Variants in PRPS1 observed in about 807,000 individuals in gnomAD.
PRPS1 encodes the protein ribose-phosphate pyrophosphokinase 1.
Under a neutral mutation model 16.9 loss-of-function variants are expected in PRPS1, and 1 was observed. The ratio of observed to expected loss-of-function variants is 0.06; its 90% confidence interval spans 0.02 to 0.28. The LOEUF is 0.28. Among genes scored for constraint, PRPS1 ranks in the 10% least tolerant of loss-of-function variants. The pLI is 1.00. For synonymous variants in PRPS1, 70 were observed against 90.2 expected (o/e 0.78, Z 1.27); for missense variants, 47 against 254.0 (o/e 0.19, Z 5.54).
At chrX:107,634,467 A>G (rs1214804369) in intron 1 of PRPS1, among the ~76,000 whole-genome samples, 1 of 107,356 alleles carries the variant, frequency 9.3e-6, no homozygotes, top group Non-Finnish European at 1.9e-5. Context: ...TCCTGACCTC[A>G]GGTGATCTGC....
intron 5 of PRPS1, among the ~76,000 whole-genome samples, chrX:107,646,133 C>T (rs1925686016): frequency 9.0e-6 from 1 of 111,299 alleles, no homozygotes; most frequent in African/African-American, 3.3e-5. Flanking sequence ...GACATGGTCT[C>T]ACTCTGTTAC....
intron 1 of PRPS1, among the ~76,000 whole-genome samples, chrX:107,633,110 C>T (rs1925343624): frequency 9.0e-6 from 1 of 111,368 alleles, no homozygotes; most frequent in Non-Finnish European, 1.9e-5. Context: ...ACCTTCTATG[C>T]TGAAGGTAGC....
At position 107,650,268 on chromosome X, in the gene PRPS1, G is replaced by A. The variant is rs1925800273; in HGVS notation, c.*236G>A. On this transcript the variant is annotated 3_prime_UTR_variant, in exon 7 of 7. Coordinates refer to ENST00000372435, the MANE Select transcript of PRPS1 (RefSeq NM_002764.4). ...CCTTGATAATTCTGTGGGCCTTGCA[G>A]CTTTAACTATAGCTCAGCTGCTGCA... 3.7e-6 allele frequency: 2 copies of A among 545,963 alleles called. No homozygotes were observed. Among genetic ancestry groups the A allele is most frequent in the Non-Finnish European group, 5.7e-6 (2 of 353,156 alleles). 45.0% of individuals were successfully genotyped at this position (545,963 alleles called of 1,213,427 possible).
At chrX:107,636,636 A>G (rs1161112131) in intron 1 of PRPS1, 2 of 111,939 alleles carry the variant, frequency 1.8e-5, no homozygotes, top group Admixed American at 1.9e-4. Context: ...TCCTGGGCTC[A>G]AGCAGTCCTC....
At chrX:107,631,836 G>A (rs1319243869) in intron 1 of PRPS1, among the ~76,000 whole-genome samples, 1 of 111,850 alleles carries the variant, frequency 8.9e-6, no homozygotes, top group Non-Finnish European at 1.9e-5. Context: ...ACAGGCACGT[G>A]CCACCACGCC....
At chrX:107,639,900 A>G (rs1925533748) in intron 2 of PRPS1, among the ~76,000 whole-genome samples, 1 of 112,192 alleles carries the variant, frequency 8.9e-6, no homozygotes, top group Non-Finnish European at 1.9e-5. Flanking sequence ...TAGATAGATA[A>G]ACTATATATA....
At chrX:107,629,310 C>A (rs1031265483) in intron 1 of PRPS1, among the ~76,000 whole-genome samples, 2 of 111,896 alleles carry the variant, frequency 1.8e-5, no homozygotes, top group South Asian at 3.7e-4. Flanking sequence ...TCCCTTAGAT[C>A]AGCAAGCGTT....
At chrX:107,649,431 G>T (rs1425479368) in intron 6 of PRPS1, among the ~76,000 whole-genome samples, 1 of 110,015 alleles carries the variant, frequency 9.1e-6, no homozygotes, top group East Asian at 2.9e-4. Context: ...TTAGCATTTT[G>T]ACTCTTTCCT....
intron 6 of PRPS1, among the ~76,000 whole-genome samples, chrX:107,648,822 C>T (rs1441382280): frequency 9.0e-6 from 1 of 110,536 alleles, no homozygotes; most frequent in Non-Finnish European, 1.9e-5. Flanking sequence ...TGCAATGGCA[C>T]GATCTCAGCT....
chrX:107,634,097 C>T (rs979883812), intron 1 of PRPS1, among the ~76,000 whole-genome samples: 3 of 111,538 alleles, frequency 2.7e-5, no homozygotes, highest in South Asian at 3.7e-4. Flanking sequence ...TAGTACAAAC[C>T]GTTTGTTAAG....
intron 5 of PRPS1, 33 bp from the exon 6 acceptor site, chrX:107,647,573 A>G (rs750469656): frequency 1.2e-4 from 140 of 1,206,081 alleles, no homozygotes; most frequent in Admixed American, 6.6e-4. Flanking sequence ...ATGACAAGTA[A>G]GATGAATCCA....
At chrX:107,630,738 AACACACACACACACAC>A (rs111543861) in intron 1 of PRPS1, among the ~76,000 whole-genome samples, 2 of 95,927 alleles carry the variant, frequency 2.1e-5, no homozygotes, top group Non-Finnish European at 4.2e-5. Context: ...TTATTTAGGA[AACACACACACACACAC>A]ACACACACAC....
intron 1 of PRPS1, 57 bp from the exon 2 acceptor site, chrX:107,639,238 G>A: frequency 8.7e-7 from 1 of 1,154,017 alleles, no homozygotes. Flanking sequence ...TGGATATGGA[G>A]GGCTGACAGT....
At chrX:107,632,392 A>G (rs984231315) in intron 1 of PRPS1, among the ~76,000 whole-genome samples, 153 of 112,493 alleles carry the variant, frequency 1.4e-3, no homozygotes, top group African/African-American at 4.7e-3. Context: ...GCACATGCCA[A>G]TATCTCCATA....
Position 107,639,295 on chromosome X carries a change from T to C in PRPS1, c.123T>C (p.Cys41=), listed in dbSNP as rs777304127. ...VTKKFSNQET[C]VEIGESVRGE... is the part of the protein sequence containing the mutation. Reference sequence around the variant, plus strand: ...CATGTTCTTTCTTTCCTCATTGTAGTGTGGAAATTGGTGAAAGTGTACGTG... The same window carrying C: ...CATGTTCTTTCTTTCCTCATTGTAGCGTGGAAATTGGTGAAAGTGTACGTG... The change falls in exon 2 of 7, where the codon TGT becomes TGC. Residue 41 remains cysteine (C), a splice_region_variant and synonymous_variant. Coordinates refer to ENST00000372435, the MANE Select transcript of PRPS1 (RefSeq NM_002764.4). 1 of 1,210,327 alleles carries C rather than the reference T, an allele frequency of 8.3e-7. No homozygotes were observed. Among genetic ancestry groups the C allele is most frequent in the Non-Finnish European group, 1.1e-6 (1 of 894,293 alleles).
chrX:107,631,779 C>T (rs1314020079), intron 1 of PRPS1, among the ~76,000 whole-genome samples: 1 of 111,943 alleles, frequency 8.9e-6, no homozygotes, highest in Non-Finnish European at 1.9e-5. Flanking sequence ...CTCCGCCACC[C>T]AGGTTCAAGC....
chrX:107,637,763 G>C (rs2147680382), intron 1 of PRPS1, among the ~76,000 whole-genome samples: 1 of 109,384 alleles, frequency 9.1e-6, no homozygotes, highest in South Asian at 4.0e-4. Flanking sequence ...ATCTCCTGAA[G>C]CCTAGGTGAT....
intron 6 of PRPS1, among the ~76,000 whole-genome samples, chrX:107,648,424 C>CTT (rs772036314): frequency 3.2e-5 from 3 of 94,921 alleles, no homozygotes; most frequent in Non-Finnish European, 4.2e-5. Flanking sequence ...GGATTATCAT[C>CTT]TTTTTTTTTT....
intron 1 of PRPS1, 139 bp downstream of exon 1, chrX:107,628,889 G>T: frequency 3.3e-6 from 3 of 901,387 alleles, no homozygotes; most frequent in Non-Finnish European, 4.7e-6. Context: ...CCTACCCCAC[G>T]GGCTGTTTCC....
Sources: gnomAD v4.1 joint callset for allele counts (sites outside exome capture counted in the v4.1 genomes callset) on GRCh38, gnomAD v4.1.1 for gene constraint, MANE v1.5 for transcripts, NCBI Gene and HGNC (gene_info 2026-07-23, HGNC 2026-07-21) for gene names.